The following LDHAL6A variants were observed in gnomAD, a reference collection of about 807,000 sequenced individuals.
LDHAL6A encodes L-lactate dehydrogenase A-like 6A.
In LDHAL6A, 19 loss-of-function variants were observed where a neutral mutation model predicts 28.2. The ratio of observed to expected loss-of-function variants is 0.67; its 90% confidence interval spans 0.47 to 0.99. LDHAL6A has a LOEUF of 0.99. LDHAL6A is among the 50% of genes least tolerant of loss of function. LDHAL6A has a pLI of 0.00. For synonymous variants in LDHAL6A, 144 were observed against 134.4 expected (o/e 1.07, Z -0.49); for missense variants, 372 against 398.6 (o/e 0.93, Z 0.57).
At chr11:18,467,954 T>TAC (rs1491215730) in intron 3 of LDHAL6A, among the ~76,000 whole-genome samples, 2 of 45,500 alleles carry the variant, frequency 4.4e-5, no homozygotes, top group Non-Finnish European at 3.9e-5. Flanking sequence ...CATATATATA[T>TAC]ACGTATATAT....
intron 3 of LDHAL6A, among the ~76,000 whole-genome samples, chr11:18,467,924 CACATATATATAT>C (rs1224139420): frequency 1.6e-5 from 1 of 61,120 alleles, no homozygotes; most frequent in East Asian, 8.7e-4. Context: ...TATATACACA[CACATATATATAT>C]ACACACACAT....
At chr11:18,463,923 G>T in intron 1 of LDHAL6A, 38 bp from the exon 2 acceptor site, 1 of 1,295,360 alleles carries the variant, frequency 7.7e-7, no homozygotes, top group Non-Finnish European at 1.1e-6. Context: ...TTAATCAAGA[G>T]ATACACTCAC....
chr11:18,475,427 A>G (rs779158063), intron 3 of LDHAL6A, 39 bp from the exon 4 acceptor site: 14 of 1,475,670 alleles, frequency 9.5e-6, no homozygotes, highest in Middle Eastern at 1.8e-4. Flanking sequence ...ATATCCTTGT[A>G]GATGAGGACA....
rs766388357 is a variant in LDHAL6A, at chr11:18,465,617, TTATTC to T, written c.245-17_245-13del. ...GATGTTTTCTTTCATAATCGATTGT[TTATTC>T]TAATCTTTCCTCAGATTACCTGGTC... On this transcript the variant is annotated splice_polypyrimidine_tract_variant and intron_variant, in intron 2 of 6. Transcript: ENST00000280706. The T allele has an allele frequency of 1.2e-5, 19 of 1,599,428 alleles. No homozygotes were observed. Among genetic ancestry groups the T allele is most frequent in the East Asian group, 4.5e-5 (2 of 44,790 alleles).
chr11:18,475,964 A>G (rs1211729683), intron 4 of LDHAL6A, among the ~76,000 whole-genome samples: 1 of 150,056 alleles, frequency 6.7e-6, no homozygotes, highest in African/African-American at 2.5e-5. Flanking sequence ...TACTTCATGT[A>G]GTAGGCAGTC....
intron 3 of LDHAL6A, among the ~76,000 whole-genome samples, chr11:18,468,002 CGTATATATATACATATATAT>C (rs1849149880): frequency 1.1e-4 from 4 of 37,696 alleles, no homozygotes; most frequent in Non-Finnish European, 1.7e-4. Context: ...CATATATATA[CGTATATATATACATATATAT>C]ACGTATATAT....
intron 1 of LDHAL6A, among the ~76,000 whole-genome samples, chr11:18,458,715 T>C (rs990543454): frequency 2.6e-5 from 4 of 152,226 alleles, no homozygotes; most frequent in African/African-American, 9.6e-5. Context: ...AGAGAAACAG[T>C]AATGTCTTTA....
intron 5 of LDHAL6A, 105 bp downstream of exon 5, chr11:18,476,606 A>G (rs1849390400): frequency 6.7e-7 from 1 of 1,482,566 alleles, no homozygotes; most frequent in Admixed American, 2.4e-5. Context: ...TATTTCCCAT[A>G]TTTTTATTTG....
intron 1 of LDHAL6A, among the ~76,000 whole-genome samples, chr11:18,457,998 A>G (rs1309953405): frequency 6.6e-6 from 1 of 152,252 alleles, no homozygotes; most frequent in African/African-American, 2.4e-5. Context: ...TAATATATAT[A>G]GAAAAGCTTG....
At chr11:18,471,497 G>A (rs943172676) in intron 3 of LDHAL6A, among the ~76,000 whole-genome samples, 8 of 151,758 alleles carry the variant, frequency 5.3e-5, no homozygotes, top group South Asian at 4.2e-4. Context: ...GACGTGAACC[G>A]CCACGCCTGC....
At chr11:18,468,062 CATATAT>C (rs148813517) in intron 3 of LDHAL6A, among the ~76,000 whole-genome samples, 18 of 30,854 alleles carry the variant, frequency 5.8e-4, no homozygotes, top group African/African-American at 1.8e-3. Context: ...TATATATATA[CATATAT>C]ATATATATAT....
Position 18,475,638 on chromosome 11 carries a change from T to A in LDHAL6A, c.591T>A (p.Ser197Arg). Residue 197 changes from serine (S) to arginine (R), a missense_variant and splice_region_variant, in exon 4 of 7, where the codon AGT becomes AGA. Physicochemically the swap from Ser to Arg is moderately radical, Grantham distance 110. This residue lies in a region of LDHAL6A where 291 missense variants were observed against 302.9 expected (regional missense o/e 0.96). Coordinates refer to ENST00000280706, the MANE Select transcript of LDHAL6A (RefSeq NM_144972.5). ...TCCTTGGAGAGCATGGCGACTCAAG[T>A]GGTAAGCCTGAGGCACGATTGAGCC... ...GLILGEHGDS[S>R]VPVWSGVNIA... 6.2e-7 allele frequency: 1 copy of A among 1,611,790 alleles called. No homozygotes were observed. The highest frequency in any genetic ancestry group is 8.5e-7 in the Non-Finnish European group (1 of 1,179,112).
intron 2 of LDHAL6A, among the ~76,000 whole-genome samples, chr11:18,464,977 G>GTTTTTTTGTTTTTTTT (rs1565068683): frequency 1.1e-4 from 14 of 125,558 alleles, no homozygotes; most frequent in Admixed American, 5.8e-4. Context: ...TGTTTTTTTT[G>GTTTTTTTGTTTTTTTT]TTTTTTTTTG....
rs747964318 is a variant in LDHAL6A at position 18,456,702 on chromosome 11, CTTA to C, written c.26_28del (p.Ile9del). 2.5e-6 allele frequency: 4 copies of C among 1,613,806 alleles called. No individual in the cohort carries two copies. Among genetic ancestry groups the C allele is most frequent in the Non-Finnish European group, 3.4e-6 (4 of 1,179,890 alleles). Reference sequence around the variant, plus strand: ...CAAGATGGCAACTATCAAGAGTGAACTTATTAAGAATTTCGCGGAAGAGGAGGC... The same window carrying C: ...CAAGATGGCAACTATCAAGAGTGAACTTAAGAATTTCGCGGAAGAGGAGGC... On this transcript the variant is annotated inframe_deletion, in exon 1 of 7. Coordinates refer to ENST00000280706, the MANE Select transcript of LDHAL6A (RefSeq NM_144972.5).
At chr11:18,465,004 T>G (rs1849026999) in intron 2 of LDHAL6A, among the ~76,000 whole-genome samples, 1 of 148,276 alleles carries the variant, frequency 6.7e-6, no homozygotes, top group African/African-American at 2.5e-5. Context: ...TTTGTTTTGG[T>G]TTGTTTTTGA....
intron 6 of LDHAL6A, among the ~76,000 whole-genome samples, chr11:18,478,238 A>G (rs1472213610): frequency 1.3e-5 from 2 of 152,200 alleles, no homozygotes; most frequent in South Asian, 2.1e-4. Context: ...CACTGCAAAC[A>G]AAGTCATAGG....
At chr11:18,461,851 C>CAAAAAA (rs1181963432) in intron 1 of LDHAL6A, among the ~76,000 whole-genome samples, 20 of 98,198 alleles carry the variant, frequency 2.0e-4, no homozygotes, top group African/African-American at 7.6e-4. Flanking sequence ...GATTCCGTCT[C>CAAAAAA]AAAAAAAAGA....
At position 18,477,825 on chromosome 11, in the gene LDHAL6A, G is replaced by T. The variant is rs1023051031; in HGVS notation, c.834+82G>T. On this transcript the variant is annotated intron_variant, in intron 6 of 6. Coordinates refer to ENST00000280706, the MANE Select transcript of LDHAL6A (RefSeq NM_144972.5). ...ACATTTTTGAGGCACTCTGGTTTTG[G>T]GTTTGATCTCGTGGGAAGCACCTCT... 5.2e-6 allele frequency: 7 copies of T among 1,352,928 alleles called. No homozygotes were observed. In the African/African-American group the frequency reaches 1.0e-4, roughly 20 times the overall value. 83.8% of individuals were successfully genotyped at this position (1,352,928 alleles called of 1,614,324 possible). A position where few individuals can be genotyped will look rare whatever the true frequency, so the allele number is the denominator to read the frequency against.
chr11:18,466,174 C>T lies in LDHAL6A; in HGVS notation c.418+364C>T, dbSNP rs1849066761. On this transcript the variant is annotated intron_variant, in intron 3 of 6. Transcript: ENST00000280706. ...TTTTGTTTTTTATGGCTGCATAGGA[C>T]AGCTTTATTTTCACTGTTCAGTGAA... Among the ~76,000 whole-genome samples, 8 of 152,210 alleles carry T rather than the reference C, an allele frequency of 5.3e-5. No individual in the cohort carries two copies. In the South Asian group the frequency reaches 1.7e-3, roughly 32 times the overall value.
Sources: gnomAD v4.1 joint callset for allele counts (sites outside exome capture counted in the v4.1 genomes callset) on GRCh38, gnomAD v4.1.1 for gene constraint, gnomAD v4.1.1 regional missense constraint, MANE v1.5 for transcripts, NCBI Gene and HGNC (gene_info 2026-07-23, HGNC 2026-07-21) for gene names.